The following TMOD3 variants were observed in gnomAD, a reference collection of about 807,000 sequenced individuals.
TMOD3 encodes the protein tropomodulin-3.
Under a neutral mutation model 39.2 loss-of-function variants are expected in TMOD3, and 20 were observed. The ratio of observed to expected loss-of-function variants is 0.51; its 90% confidence interval spans 0.36 to 0.74. The LOEUF is 0.74. Ranked by LOEUF, TMOD3 falls within the 30% of genes least tolerant of loss-of-function variation. The probability of loss-of-function intolerance (pLI) is 0.00; values close to 1 mark genes in which losing one functional copy is unlikely to be tolerated. For synonymous variants in TMOD3, 143 were observed against 145.8 expected (o/e 0.98, Z 0.14); for missense variants, 381 against 412.8 (o/e 0.92, Z 0.67).
At position 51,913,820 on chromosome 15, in the gene TMOD3, C is replaced by G. The variant is rs771065810; in HGVS notation, c.*5010C>G. ...TTGAGCTCAGGAGTTTGAGACCAAC[C>G]TGCGTAACATGGTGAAACCCCATAT... On this transcript the variant is annotated 3_prime_UTR_variant, in exon 10 of 10. Coordinates refer to ENST00000308580, the MANE Select transcript of TMOD3 (RefSeq NM_014547.5). 6.6e-6 allele frequency: 1 copy of G among 152,008 alleles called. No individual in the cohort carries two copies. Among genetic ancestry groups the G allele is most frequent in the Non-Finnish European group, 1.5e-5 (1 of 68,018 alleles). The allele number at this position is 152,008 out of a possible 1,614,324, so 9.4% of individuals were successfully genotyped here.
chr15:51,899,137 T>G (rs1195869108), intron 7 of TMOD3: 1 of 152,274 alleles, frequency 6.6e-6, no homozygotes, highest in Admixed American at 6.5e-5. Flanking sequence ...GCCCCTGCCT[T>G]GGAAATTAGT....
At chr15:51,838,911 C>T (rs945654732) in intron 1 of TMOD3, among the ~76,000 whole-genome samples, 7 of 152,078 alleles carry the variant, frequency 4.6e-5, no homozygotes, top group African/African-American at 1.2e-4. Flanking sequence ...GAATTTGATC[C>T]GTCCTGGTTA....
At chr15:51,873,761 G>C (rs1282271107) in intron 3 of TMOD3, among the ~76,000 whole-genome samples, 6 of 151,392 alleles carry the variant, frequency 4.0e-5, no homozygotes, top group African/African-American at 1.5e-4. Flanking sequence ...AGGCCGGAGT[G>C]CAGTGGCCTG....
intron 5 of TMOD3, among the ~76,000 whole-genome samples, chr15:51,892,707 T>C (rs2056599856): frequency 6.6e-6 from 1 of 152,208 alleles, no homozygotes; most frequent in East Asian, 1.9e-4. Context: ...TCTTCTCATT[T>C]AGGCTATATT....
At chr15:51,871,963 G>A (rs868596013) in intron 3 of TMOD3, among the ~76,000 whole-genome samples, 2 of 152,206 alleles carry the variant, frequency 1.3e-5, no homozygotes, top group Non-Finnish European at 2.9e-5. Flanking sequence ...TTTATGGGCA[G>A]CTCTGATGCA....
intron 3 of TMOD3, among the ~76,000 whole-genome samples, chr15:51,887,235 G>A (rs538196158): frequency 7.1e-6 from 1 of 141,518 alleles, no homozygotes; most frequent in South Asian, 2.2e-4. Context: ...AAAAAAAAAG[G>A]AAATTGGATT....
Position 51,912,809 on chromosome 15 carries a change from A to G in TMOD3, c.*3999A>G, listed in dbSNP as rs1479344968. 3 of 152,210 alleles carry G rather than the reference A, an allele frequency of 2.0e-5. No individual in the cohort carries two copies. In the South Asian group the frequency reaches 6.2e-4, roughly 32 times the overall value. The allele number at this position is 152,210 out of a possible 1,614,324, so 9.4% of individuals were successfully genotyped here. On this transcript the variant is annotated 3_prime_UTR_variant, in exon 10 of 10. Transcript: ENST00000308580. Reference sequence around the variant, plus strand: ...GGGTTGCTGCTCTCAGTTAAGGGCTATGAGTTCTTGGGGTCTAAGTATCTG... The same window carrying G: ...GGGTTGCTGCTCTCAGTTAAGGGCTGTGAGTTCTTGGGGTCTAAGTATCTG...
At chr15:51,899,842 G>C (rs1439376654) in intron 7 of TMOD3, among the ~76,000 whole-genome samples, 3 of 152,154 alleles carry the variant, frequency 2.0e-5, no homozygotes, top group Non-Finnish European at 4.4e-5. Flanking sequence ...ATTGTATTAG[G>C]TATATTAAGT....
At chr15:51,864,601 G>A (rs987116924) in intron 2 of TMOD3, among the ~76,000 whole-genome samples, 6 of 152,298 alleles carry the variant, frequency 3.9e-5, no homozygotes, top group Admixed American at 1.3e-4. Context: ...TTGGTCAGGA[G>A]GCAAAAGGAT....
chr15:51,865,867 G>A (rs761253931), intron 2 of TMOD3, among the ~76,000 whole-genome samples: 1 of 151,808 alleles, frequency 6.6e-6, no homozygotes, highest in Non-Finnish European at 1.5e-5. Context: ...TTCAGTGTAC[G>A]TGTTTGCTAA....
intron 1 of TMOD3, among the ~76,000 whole-genome samples, chr15:51,840,143 T>C (rs941031668): frequency 2.6e-5 from 4 of 152,212 alleles, no homozygotes; most frequent in African/African-American, 9.6e-5. Flanking sequence ...AGACTGATTA[T>C]GGTCTGGTGA....
At chr15:51,851,950 A>T (rs577475366) in intron 1 of TMOD3, among the ~76,000 whole-genome samples, 1 of 152,244 alleles carries the variant, frequency 6.6e-6, no homozygotes, top group African/African-American at 2.4e-5. Flanking sequence ...CATCTTTCAG[A>T]ACAGTCCTTC....
At chr15:51,834,995 T>A (rs2056275302) in intron 1 of TMOD3, 1 of 152,236 alleles carries the variant, frequency 6.6e-6, no homozygotes, top group African/African-American at 2.4e-5. Context: ...CTCTTCCAGA[T>A]TGGGACTTGA....
chr15:51,908,015 G>A (rs1242418866), intron 9 of TMOD3, among the ~76,000 whole-genome samples: 1 of 152,180 alleles, frequency 6.6e-6, no homozygotes, highest in East Asian at 1.9e-4. Flanking sequence ...TGTTTTATCA[G>A]ACCCTGAACT....
In TMOD3 at chr15:51,900,317, TA is replaced by T. The variant is rs745562215; in HGVS notation, c.879+21del. 12 of 1,613,180 alleles carry T rather than the reference TA, an allele frequency of 7.4e-6. No individual in the cohort carries two copies. The highest frequency in any genetic ancestry group is 1.0e-5 in the Non-Finnish European group (12 of 1,179,652). On this transcript the variant is annotated intron_variant, in intron 8 of 9. Transcript: ENST00000308580. ...CAATCAGGTCAATGTTCTACAATAA[TA>T]ACGTCGAGGAAGCTACAGCCCACGC...
At chr15:51,878,289 T>G (rs2056515278) in intron 3 of TMOD3, among the ~76,000 whole-genome samples, 1 of 152,130 alleles carries the variant, frequency 6.6e-6, no homozygotes, top group Non-Finnish European at 1.5e-5. Flanking sequence ...CCAAGCCCTT[T>G]GGGAGGCTGA....
intron 3 of TMOD3, chr15:51,875,231 A>G (rs772310500): frequency 1.3e-5 from 2 of 152,216 alleles, no homozygotes; most frequent in Admixed American, 6.5e-5. Context: ...AGAGGATTAC[A>G]TAACCACCAC....
chr15:51,891,936 C>G (rs895384715), intron 5 of TMOD3, among the ~76,000 whole-genome samples: 1 of 152,216 alleles, frequency 6.6e-6, no homozygotes, highest in African/African-American at 2.4e-5. Context: ...TTCTCAACTT[C>G]TACAGGATAA....
At chr15:51,906,057 T>C (rs1310465508) in intron 9 of TMOD3, among the ~76,000 whole-genome samples, 1 of 150,898 alleles carries the variant, frequency 6.6e-6, no homozygotes, top group Admixed American at 6.6e-5. Flanking sequence ...AGCTGAGGAA[T>C]TGCTGGAAGG....
Sources: allele counts gnomAD v4.1 joint callset (sites outside exome capture counted in the v4.1 genomes callset), GRCh38; gene constraint gnomAD v4.1.1; transcripts MANE v1.5; gene names NCBI Gene and HGNC (gene_info 2026-07-23, HGNC 2026-07-21).